The following COL20A1 variants were observed in gnomAD, a reference collection of about 807,000 sequenced individuals.
COL20A1 encodes the protein collagen alpha-1(XX) chain.
Under a neutral mutation model 152.9 loss-of-function variants are expected in COL20A1, and 164 were observed. That is an observed-to-expected ratio of 1.07 (90% CI 0.94 to 1.22). The LOEUF is 1.22. COL20A1 is among the 50% of genes most tolerant of loss of function. The pLI is 0.00. For missense variants in COL20A1, 1,873 were observed against 1,744.8 expected, an observed-to-expected ratio of 1.07 and a Z score of -1.31; for synonymous variants, 864 against 756.0, an observed-to-expected ratio of 1.14 and a Z score of -2.34.
chr20:63,328,002 G>A lies in COL20A1; in HGVS notation c.3564+15G>A, dbSNP rs2068276648. Reference sequence around the variant, plus strand: ...GAGGAGAGAAGGTAAGTGAGGCTGAGATCTTTGGCTCACTTGGGATCTCCT... The same window carrying A: ...GAGGAGAGAAGGTAAGTGAGGCTGAAATCTTTGGCTCACTTGGGATCTCCT... On this transcript the variant is annotated intron_variant, in intron 32 of 35. Coordinates refer to ENST00000358894, the MANE Select transcript of COL20A1 (RefSeq NM_020882.4). The A allele has an allele frequency of 6.2e-7, 1 of 1,611,030 alleles. No homozygotes were observed. The highest frequency in any genetic ancestry group is 1.1e-5 in the South Asian group (1 of 90,286).
chr20:63,313,550 G>A lies in COL20A1; in HGVS notation c.2210-193G>A, dbSNP rs2123407669. 6.6e-6 allele frequency among the ~76,000 whole-genome samples: 1 copy of A among 152,226 alleles called. No individual in the cohort carries two copies. The highest frequency in any genetic ancestry group is 1.9e-4 in the East Asian group (1 of 5,172). On this transcript the variant is annotated intron_variant, in intron 17 of 35. Transcript: ENST00000358894. The surrounding 1 kb of genome is among the most constrained non-coding windows in gnomAD (Gnocchi z 5.9). ...GGTGGCGTGGTGTGGGTGTGGTGGG[G>A]TGCGGTGTGGGCAGTGGCAGGGGTG... is the stretch of plus-strand genomic sequence containing the variant.
rs925740488 is a variant in COL20A1, at chr20:63,333,353, G to C, written c.*2637G>C. The C allele has an allele frequency of 1.3e-5, 2 of 152,350 alleles. No homozygotes were observed. Among genetic ancestry groups the C allele is most frequent in the African/African-American group, 4.8e-5 (2 of 41,464 alleles). 9.4% of individuals were successfully genotyped at this position (152,350 alleles called of 1,614,324 possible). Reference sequence around the variant, plus strand: ...AGGTGGTGTGACGCAAGGCTGATCTGACGCTCAGCTCAGGCCGCTGGGGTC... The same window carrying C: ...AGGTGGTGTGACGCAAGGCTGATCTCACGCTCAGCTCAGGCCGCTGGGGTC... On this transcript the variant is annotated 3_prime_UTR_variant, in exon 36 of 36. Coordinates refer to ENST00000358894, the MANE Select transcript of COL20A1 (RefSeq NM_020882.4).
chr20:63,315,967 G>A (rs1047960838), intron 20 of COL20A1, among the ~76,000 whole-genome samples: 21 of 152,236 alleles, frequency 1.4e-4, no homozygotes, highest in Non-Finnish European at 2.9e-4. Context: ...AATTAGTGCT[G>A]GAAAGGAGCT....
chr20:63,324,541 T>C (rs2068215283), intron 27 of COL20A1: 1 of 152,268 alleles, frequency 6.6e-6, no homozygotes, highest in Admixed American at 6.5e-5. Context: ...AAACAAGCTC[T>C]AGTGCTGTTA....
In COL20A1 at chr20:63,312,521, C is replaced by A; in HGVS notation, c.1905C>A (p.Ser635=). 6.2e-7 allele frequency: 1 copy of A among 1,603,592 alleles called. No individual in the cohort carries two copies. The highest frequency in any genetic ancestry group is 1.9e-4 in the Middle Eastern group (1 of 5,352). Residue 635 remains serine, a synonymous_variant, in exon 15 of 36, where the codon TCC becomes TCA. Coordinates refer to ENST00000358894, the MANE Select transcript of COL20A1 (RefSeq NM_020882.4). ...CCTGCCTCTACCCTGGGGGTGGCTC[C>A]TCTACGCTGACTGGCCGGGTGACCA... The part of the protein sequence containing the change: ...RVTCLYPGGG[S]STLTGRVTTK...
chr20:63,309,304 G>A (rs1437884369), intron 8 of COL20A1, 29 bp from the exon 9 acceptor site: 4 of 1,430,664 alleles, frequency 2.8e-6, no homozygotes, highest in Non-Finnish European at 3.7e-6. Context: ...CCCAGTGCAG[G>A]CCAACCCCAC....
chr20:63,294,651 G>T (rs1446288294), intron 1 of COL20A1, among the ~76,000 whole-genome samples: 3 of 152,124 alleles, frequency 2.0e-5, no homozygotes, highest in Admixed American at 2.0e-4. Flanking sequence ...CCAGGGCGAG[G>T]CTGGGGCCAC....
rs551415102 is a variant in COL20A1 at position 63,319,886 on chromosome 20, C to T, written c.2917-153C>T. On this transcript the variant is annotated intron_variant, in intron 23 of 35. Transcript: ENST00000358894. This position sits in a 1 kb window ranked among gnomAD's most constrained non-coding sequence, Gnocchi z 4.4. The stretch of plus-strand genomic sequence containing the variant: ...AGCCGAGGCCCAGCAAGGGGGGGTT[C>T]TCCCAGGGTCCCCCGAAACCTGAGG... 6.6e-6 allele frequency among the ~76,000 whole-genome samples: 1 copy of T among 152,280 alleles called. No homozygotes were observed. The highest frequency in any genetic ancestry group is 2.4e-5 in the African/African-American group (1 of 41,574).
intron 5 of COL20A1, 40 bp from the exon 6 acceptor site, chr20:63,307,450 T>C (rs748528978): frequency 6.3e-7 from 1 of 1,584,294 alleles, no homozygotes; most frequent in Non-Finnish European, 8.6e-7. Context: ...GGACCAGGGA[T>C]GGGCCTCACC....
At chr20:63,327,883 A>G in intron 31 of COL20A1, 69 bp from the exon 32 acceptor site, 1 of 1,490,996 alleles carries the variant, frequency 6.7e-7, no homozygotes, top group Non-Finnish European at 9.2e-7. Context: ...CCTCAGGGCC[A>G]TCTCACACTT....
intron 20 of COL20A1, among the ~76,000 whole-genome samples, chr20:63,315,784 A>C (rs1159524129): frequency 6.6e-6 from 1 of 151,986 alleles, no homozygotes; most frequent in Non-Finnish European, 1.5e-5. Context: ...GTTGCCTGAG[A>C]GTGAGGCCCT....
At position 63,313,346 on chromosome 20, in the gene COL20A1, C is replaced by G. The variant is rs1167164944; in HGVS notation, c.2209+97C>G. ...CTGCACAGGCCCAGGACCCTAGACTCCCAGAACTGCTGGCTCCAGAGCCCT... is the reference window on the plus strand; with the variant it reads ...CTGCACAGGCCCAGGACCCTAGACTGCCAGAACTGCTGGCTCCAGAGCCCT... On this transcript the variant is annotated intron_variant, in intron 17 of 35. Transcript: ENST00000358894. This position sits in a 1 kb window ranked among gnomAD's most constrained non-coding sequence, Gnocchi z 5.9. 1 of 1,326,766 alleles carries G rather than the reference C, an allele frequency of 7.5e-7. No homozygotes were observed. The highest frequency in any genetic ancestry group is 1.5e-5 in the African/African-American group (1 of 68,140). 82.2% of individuals were successfully genotyped at this position (1,326,766 alleles called of 1,614,324 possible).
Position 63,319,002 on chromosome 20 carries a change from A to T in COL20A1, c.2664-56A>T. ...GGCTGGGCGAGCGGATCGTTCTGCC[A>T]GGTTTGGCTGCCCTTGGGTCTGCTC... On this transcript the variant is annotated intron_variant, in intron 21 of 35. Coordinates refer to ENST00000358894, the MANE Select transcript of COL20A1 (RefSeq NM_020882.4). The surrounding 1 kb of genome is among the most constrained non-coding windows in gnomAD (Gnocchi z 4.4). 1.4e-6 allele frequency: 2 copies of T among 1,460,534 alleles called. No individual in the cohort carries two copies. The highest frequency in any genetic ancestry group is 1.9e-6 in the Non-Finnish European group (2 of 1,046,234). The allele number at this position is 1,460,534 out of a possible 1,614,324, so 90.5% of individuals were successfully genotyped here.
chr20:63,294,789 C>G (rs555326196), intron 1 of COL20A1, among the ~76,000 whole-genome samples: 1 of 152,304 alleles, frequency 6.6e-6, no homozygotes, highest in African/African-American at 2.4e-5. Flanking sequence ...CTGCACTGGG[C>G]GTGGGGACAA....
At chr20:63,293,687 G>T (rs1255359141) in intron 1 of COL20A1, among the ~76,000 whole-genome samples, 1 of 152,154 alleles carries the variant, frequency 6.6e-6, no homozygotes, top group Non-Finnish European at 1.5e-5. Flanking sequence ...GTGCCTCTGT[G>T]ATCAGTTTGG....
intron 35 of COL20A1, 134 bp from the exon 36 acceptor site, chr20:63,330,586 C>G (rs908045564): frequency 6.6e-6 from 1 of 152,358 alleles, no homozygotes; most frequent in South Asian, 2.1e-4. Flanking sequence ...TGCCCACTCA[C>G]GGCCCTGCTG....
In COL20A1 at chr20:63,297,916, G is replaced by T; in HGVS notation, c.89G>T (p.Gly30Val). The change falls in exon 3 of 36, where the codon GGT becomes GTT. Residue 30 changes from glycine to valine, a missense_variant. Coordinates refer to ENST00000358894, the MANE Select transcript of COL20A1 (RefSeq NM_020882.4). Reference protein sequence around the residue: ...TLGREQVQASGLLRLAVLPED... With the variant: ...TLGREQVQASVLLRLAVLPED... ...CTATGTCCTGTTTCTGTAGCAAGCG[G>T]TCTCCTGAGGCTGGCTGTGCTGCCT... The T allele has an allele frequency of 1.2e-6, 2 of 1,613,236 alleles. No homozygotes were observed. Among genetic ancestry groups the T allele is most frequent in the Non-Finnish European group, 1.7e-6 (2 of 1,179,700 alleles).
At chr20:63,323,049 A>T (rs1045564012) in intron 27 of COL20A1, among the ~76,000 whole-genome samples, 2 of 152,218 alleles carry the variant, frequency 1.3e-5, no homozygotes, top group South Asian at 2.1e-4. Flanking sequence ...CCCCGCGACG[A>T]GCCAGCGGTG....
At position 63,313,651 on chromosome 20, in the gene COL20A1, G is replaced by T; in HGVS notation, c.2210-92G>T. On this transcript the variant is annotated intron_variant, in intron 17 of 35. Coordinates refer to ENST00000358894, the MANE Select transcript of COL20A1 (RefSeq NM_020882.4). The surrounding 1 kb of genome is among the most constrained non-coding windows in gnomAD (Gnocchi z 5.9). ...TGATGTGGTGGAGGCATTACGCAGAGCAGGGTAGGGGCTGGGCAGCTGGTC... is the reference window on the plus strand; with the variant it reads ...TGATGTGGTGGAGGCATTACGCAGATCAGGGTAGGGGCTGGGCAGCTGGTC... The T allele has an allele frequency of 7.9e-7, 1 of 1,258,648 alleles. No individual in the cohort carries two copies. 78.0% of individuals were successfully genotyped at this position (1,258,648 alleles called of 1,614,324 possible). A position where few individuals can be genotyped will look rare whatever the true frequency, so the allele number is the denominator to read the frequency against.
Sources: gnomAD v4.1 joint callset for allele counts (sites outside exome capture counted in the v4.1 genomes callset) on GRCh38, gnomAD v4.1.1 for gene constraint, Gnocchi (gnomAD v3.1) non-coding constraint, MANE v1.5 for transcripts, NCBI Gene and HGNC (gene_info 2026-07-23, HGNC 2026-07-21) for gene names.